CNTN3: variants seen among roughly 807,000 people sequenced by gnomAD.
CNTN3 encodes the protein contactin-3.
In CNTN3, 60 loss-of-function variants were observed where a neutral mutation model predicts 119.1. That is an observed-to-expected ratio of 0.50 (90% CI 0.41 to 0.62). The LOEUF is 0.62. CNTN3 is among the 20% of genes least tolerant of loss of function. The pLI is 0.00. For missense variants in CNTN3, 1,101 were observed against 1,242.4 expected (o/e 0.89, Z 1.71); for synonymous variants, 450 against 438.7 (o/e 1.03, Z -0.32).
chr3:74,378,764 C>T (rs1704541518), intron 5 of CNTN3, among the ~76,000 whole-genome samples: 1 of 152,150 alleles, frequency 6.6e-6, no homozygotes, highest in African/African-American at 2.4e-5. Context: ...GTTTGTTGAA[C>T]CTTGTCCTAG....
intron 20 of CNTN3, among the ~76,000 whole-genome samples, chr3:74,280,142 C>A (rs11914565): frequency 0.27 from 41,509 of 151,624 alleles, 6,224 homozygotes; most frequent in East Asian, 0.52. Flanking sequence ...TATACACCTA[C>A]AATGTACCCA....
At chr3:74,369,454 A>G (rs913043046) in intron 7 of CNTN3, 81 bp from the exon 8 acceptor site, 239 of 1,122,756 alleles carry the variant, frequency 2.1e-4, no homozygotes, top group Non-Finnish European at 2.9e-4. Flanking sequence ...AAGATTGAAC[A>G]AGAAGGCACA....
chr3:74,461,895 A>G (rs1702374381), intron 4 of CNTN3, among the ~76,000 whole-genome samples: 1 of 152,108 alleles, frequency 6.6e-6, no homozygotes, highest in Admixed American at 6.6e-5. Context: ...CCACATGGAT[A>G]TTAAGCAAAC....
intron 1 of CNTN3, among the ~76,000 whole-genome samples, chr3:74,559,811 A>G (rs1347347626): frequency 6.6e-6 from 1 of 152,148 alleles, no homozygotes; most frequent in Admixed American, 6.5e-5. Flanking sequence ...TAACATACAA[A>G]TTTTGTAGTT....
intron 1 of CNTN3, among the ~76,000 whole-genome samples, chr3:74,596,609 G>T (rs1704814835): frequency 6.6e-6 from 1 of 152,078 alleles, no homozygotes; most frequent in African/African-American, 2.4e-5. Flanking sequence ...TTTAATAAAT[G>T]GTGCTGGGAA....
chr3:74,328,684 G>A (rs183098187), intron 13 of CNTN3, among the ~76,000 whole-genome samples: 7 of 152,226 alleles, frequency 4.6e-5, no homozygotes, highest in Non-Finnish European at 8.8e-5. Context: ...GCCTTTATTT[G>A]CCTGGTTGAA....
rs1165413666 is a variant in CNTN3, at chr3:74,371,267, C to A, written c.587G>T (p.Cys196Phe). The A allele has an allele frequency of 6.2e-7, 1 of 1,613,524 alleles. No individual in the cohort carries two copies. Among genetic ancestry groups the A allele is most frequent in the Non-Finnish European group, 8.5e-7 (1 of 1,179,656 alleles). Reference protein sequence around the residue: ...VEPSDVGNYTCVVTSMVTNAR... With the variant: ...VEPSDVGNYTFVVTSMVTNAR... ...ATTTGTCACCATACTTGTCACCACA[C>A]ATGTGTAATTTCCCACATCAGACGG... The change falls in exon 6 of 23, where the codon TGT becomes TTT. Residue 196 changes from cysteine (C) to phenylalanine (F), a missense_variant. Physicochemically the swap from Cys to Phe is radical, Grantham distance 205. Transcript: ENST00000263665.
chr3:74,447,172 T>A (rs1173410947), intron 4 of CNTN3, among the ~76,000 whole-genome samples: 1 of 152,074 alleles, frequency 6.6e-6, no homozygotes. Context: ...TCACCATACT[T>A]AGGCTTGAAC....
intron 1 of CNTN3, among the ~76,000 whole-genome samples, chr3:74,610,696 G>C (rs1371259543): frequency 2.0e-5 from 3 of 152,068 alleles, no homozygotes; most frequent in Non-Finnish European, 2.9e-5. Context: ...GATGATTTGG[G>C]GGAAGAAGTA....
chr3:74,481,543 T>C (rs1436564526), intron 4 of CNTN3, among the ~76,000 whole-genome samples: 2 of 151,916 alleles, frequency 1.3e-5, no homozygotes, highest in Non-Finnish European at 1.5e-5. Flanking sequence ...TTATAACATT[T>C]ACTGAACTGA....
chr3:74,568,328 C>A lies in CNTN3; in HGVS notation c.-81+46063G>T, dbSNP rs543120115. Among the ~76,000 whole-genome samples, 4 of 152,320 alleles carry A rather than the reference C, an allele frequency of 2.6e-5. No individual in the cohort carries two copies. The East Asian group carries it at 5.8e-4, about 22-fold the overall frequency. On this transcript the variant is annotated intron_variant, in intron 1 of 22. Transcript: ENST00000263665. ...TATATGTGTTTGGGGAAAACATTTT[C>A]TCTCACTAGTTCGTCCAAGTGGACA...
At chr3:74,424,227 A>G (rs1701658810) in intron 5 of CNTN3, among the ~76,000 whole-genome samples, 1 of 151,986 alleles carries the variant, frequency 6.6e-6, no homozygotes, top group African/African-American at 2.4e-5. Context: ...TAATAAAATT[A>G]TTTTCATATG....
At chr3:74,576,552 T>C (rs1704420556) in intron 1 of CNTN3, among the ~76,000 whole-genome samples, 4 of 152,176 alleles carry the variant, frequency 2.6e-5, no homozygotes, top group South Asian at 4.1e-4. Context: ...TAATCATTTA[T>C]ATGTAAACTA....
chr3:74,437,918 T>C (rs1367602218), intron 4 of CNTN3, among the ~76,000 whole-genome samples: 1 of 152,154 alleles, frequency 6.6e-6, no homozygotes, highest in African/African-American at 2.4e-5. Flanking sequence ...TGTTCTCACA[T>C]AAAACATTAT....
chr3:74,608,320 C>A (rs1311285330), intron 1 of CNTN3, among the ~76,000 whole-genome samples: 1 of 152,092 alleles, frequency 6.6e-6, no homozygotes. Flanking sequence ...CTGTTTAATG[C>A]CTACAAAATT....
intron 4 of CNTN3, among the ~76,000 whole-genome samples, chr3:74,473,955 C>T (rs1432122507): frequency 6.6e-6 from 1 of 152,072 alleles, no homozygotes; most frequent in Non-Finnish European, 1.5e-5. Context: ...CTATGAGAAA[C>T]CATTGGAGGT....
intron 17 of CNTN3, among the ~76,000 whole-genome samples, chr3:74,299,045 A>G (rs891155788): frequency 2.6e-4 from 40 of 152,112 alleles, no homozygotes; most frequent in African/African-American, 9.2e-4. Flanking sequence ...CGTCTCTACT[A>G]AAAATACAAA....
chr3:74,286,143 T>G (rs1372813192), intron 19 of CNTN3, among the ~76,000 whole-genome samples: 1 of 151,880 alleles, frequency 6.6e-6, no homozygotes. Flanking sequence ...AGGAACCAAA[T>G]TTGGAAATGT....
intron 1 of CNTN3, among the ~76,000 whole-genome samples, chr3:74,530,688 G>A (rs1384851814): frequency 1.3e-5 from 2 of 151,956 alleles, no homozygotes; most frequent in Non-Finnish European, 2.9e-5. Context: ...GTGAGTGCCT[G>A]TGGAATGTGG....
Sources: allele counts gnomAD v4.1 joint callset (sites outside exome capture counted in the v4.1 genomes callset), GRCh38; gene constraint gnomAD v4.1.1; transcripts MANE v1.5; gene names NCBI Gene and HGNC (gene_info 2026-07-23, HGNC 2026-07-21).